BTBD9: variants seen among roughly 807,000 people sequenced by gnomAD.
BTBD9 encodes the protein BTB/POZ domain-containing protein 9.
A neutral mutation model predicts 64.3 loss-of-function variants in BTBD9; 49 were observed. The ratio of observed to expected loss-of-function variants is 0.76; its 90% CI spans 0.61 to 0.97. The LOEUF (loss-of-function observed/expected upper bound fraction) is 0.97. Among genes scored for constraint, BTBD9 ranks in the 50% least tolerant of loss-of-function variants. The pLI, the probability that BTBD9 is intolerant of heterozygous loss-of-function variation, is 0.00. For missense variants in BTBD9, 598 were observed against 762.1 expected (o/e 0.78, Z 2.53); for synonymous variants, 260 against 274.7 (o/e 0.95, Z 0.53).
At chr6:38,309,601 CG>C (rs1762753214) in intron 7 of BTBD9, among the ~76,000 whole-genome samples, 1 of 151,542 alleles carries the variant, frequency 6.6e-6, no homozygotes, top group Non-Finnish European at 1.5e-5. Flanking sequence ...TTAGTAGAGA[CG>C]GGGTTTCACC....
intron 7 of BTBD9, among the ~76,000 whole-genome samples, chr6:38,289,462 G>A (rs1422679268): frequency 6.6e-6 from 1 of 152,066 alleles, no homozygotes; most frequent in Non-Finnish European, 1.5e-5. Context: ...ATAGGTATTT[G>A]TTTTATTAGT....
At chr6:38,299,324 C>T (rs966151857) in intron 7 of BTBD9, among the ~76,000 whole-genome samples, 1 of 152,154 alleles carries the variant, frequency 6.6e-6, no homozygotes, top group African/African-American at 2.4e-5. Context: ...CATACGTGTG[C>T]ACGTGTCTTT....
intron 9 of BTBD9, among the ~76,000 whole-genome samples, chr6:38,244,672 C>G (rs1356898529): frequency 6.6e-6 from 1 of 152,130 alleles, no homozygotes; most frequent in East Asian, 1.9e-4. Flanking sequence ...AGGTAATGGA[C>G]TTCCAGCCAG....
chr6:38,317,419 A>C (rs565552701), intron 7 of BTBD9, among the ~76,000 whole-genome samples: 2 of 152,130 alleles, frequency 1.3e-5, no homozygotes, highest in African/African-American at 4.8e-5. Context: ...TGCTGCTTTT[A>C]GGATCCTTTT....
chr6:38,424,115 T>C (rs1768033887), intron 6 of BTBD9, among the ~76,000 whole-genome samples: 1 of 152,020 alleles, frequency 6.6e-6, no homozygotes, highest in Admixed American at 6.5e-5. Flanking sequence ...TTTATACTCA[T>C]TCATTGACTA....
chr6:38,194,960 C>T (rs1201325298), intron 9 of BTBD9, among the ~76,000 whole-genome samples: 1 of 152,200 alleles, frequency 6.6e-6, no homozygotes, highest in African/African-American at 2.4e-5. Flanking sequence ...TCTTCCATTA[C>T]ACTGCATTAA....
chr6:38,502,814 C>T (rs1772275014), intron 6 of BTBD9, among the ~76,000 whole-genome samples: 1 of 152,140 alleles, frequency 6.6e-6, no homozygotes, highest in Admixed American at 6.5e-5. Context: ...TGATTCAATT[C>T]AATGAACGTT....
chr6:38,223,201 C>T (rs538387987), intron 9 of BTBD9, among the ~76,000 whole-genome samples: 2 of 152,296 alleles, frequency 1.3e-5, no homozygotes, highest in South Asian at 4.1e-4. Context: ...GCCACTACGC[C>T]CGGCCTAGAG....
At chr6:38,429,455 C>CAAAAAAAAAAAAA (rs201995368) in intron 6 of BTBD9, among the ~76,000 whole-genome samples, 1 of 102,568 alleles carries the variant, frequency 9.7e-6, no homozygotes, top group Non-Finnish European at 2.0e-5. Flanking sequence ...GACTACGTCT[C>CAAAAAAAAAAAAA]AAAAAAAAAA....
intron 6 of BTBD9, among the ~76,000 whole-genome samples, chr6:38,473,588 A>T (rs1262292611): frequency 1.3e-5 from 2 of 152,208 alleles, no homozygotes; most frequent in African/African-American, 4.8e-5. Context: ...GTAAGAGTAC[A>T]AATCCTAAGT....
chr6:38,455,270 T>C (rs1462537476), intron 6 of BTBD9, among the ~76,000 whole-genome samples: 1 of 152,198 alleles, frequency 6.6e-6, no homozygotes, highest in Non-Finnish European at 1.5e-5. Context: ...TGCCTTTTTG[T>C]AGTGAAATTC....
intron 9 of BTBD9, among the ~76,000 whole-genome samples, chr6:38,254,024 T>C (rs1463020508): frequency 1.3e-5 from 2 of 148,340 alleles, no homozygotes; most frequent in East Asian, 4.0e-4. Context: ...ATGTGACTAG[T>C]TCATCTCAGT....
intron 5 of BTBD9, among the ~76,000 whole-genome samples, chr6:38,578,282 C>A (rs1054443323): frequency 6.6e-6 from 1 of 152,130 alleles, no homozygotes; most frequent in African/African-American, 2.4e-5. Flanking sequence ...GCAAAAAAAT[C>A]AATGACACCA....
chr6:38,322,269 G>A (rs1416083942), intron 7 of BTBD9, among the ~76,000 whole-genome samples: 5 of 152,016 alleles, frequency 3.3e-5, no homozygotes, highest in South Asian at 2.1e-4. Context: ...ATACTCTTCC[G>A]TTATTTCCAA....
intron 6 of BTBD9, among the ~76,000 whole-genome samples, chr6:38,378,897 A>G (rs1344634917): frequency 6.6e-6 from 1 of 151,544 alleles, no homozygotes. Context: ...AAGAAAAAAA[A>G]GGGGAGGCAA....
intron 9 of BTBD9, among the ~76,000 whole-genome samples, chr6:38,217,318 CAAAAAAA>C (rs3047754): frequency 4.3e-5 from 3 of 69,254 alleles, no homozygotes; most frequent in East Asian, 8.6e-4. Context: ...GACTCCATCT[CAAAAAAA>C]AAAAAAAAAA....
intron 1 of BTBD9, among the ~76,000 whole-genome samples, chr6:38,600,785 T>C (rs1198847391): frequency 6.6e-6 from 1 of 152,180 alleles, no homozygotes; most frequent in African/African-American, 2.4e-5. Context: ...CTTAAACTGA[T>C]ATATCATAAA....
rs1181557095 is a variant in BTBD9, at chr6:38,172,782, C to T, written c.*2203G>A. ...GGGCATGCCCCGAAGGAAAGAACCG[C>T]CACAGGCCAGGGAGCTGCAGATGTG... On this transcript the variant is annotated 3_prime_UTR_variant, in exon 11 of 11. Coordinates refer to ENST00000481247, the MANE Select transcript of BTBD9 (RefSeq NM_001099272.2). The T allele has an allele frequency of 2.0e-5, 3 of 152,442 alleles. No homozygotes were observed. The highest frequency in any genetic ancestry group is 6.5e-5 in the Admixed American group (1 of 15,296). 9.4% of individuals were successfully genotyped at this position (152,442 alleles called of 1,614,324 possible). A position where few individuals can be genotyped will look rare whatever the true frequency, so the allele number is the denominator to read the frequency against.
At chr6:38,183,264 A>G (rs1327385854) in intron 10 of BTBD9, among the ~76,000 whole-genome samples, 1 of 152,232 alleles carries the variant, frequency 6.6e-6, no homozygotes, top group Non-Finnish European at 1.5e-5. Flanking sequence ...GGTGTGAGCC[A>G]CCGCGCCCGG....
Sources: allele counts gnomAD v4.1 joint callset (sites outside exome capture counted in the v4.1 genomes callset), GRCh38; gene constraint gnomAD v4.1.1; transcripts MANE v1.5; gene names NCBI Gene and HGNC (gene_info 2026-07-23, HGNC 2026-07-21).